The following GPC6 variants were observed in gnomAD, a reference collection of about 807,000 sequenced individuals.
GPC6 encodes the protein glypican 6.
A neutral mutation model predicts 55.2 loss-of-function variants in GPC6; 14 were observed. The ratio of observed to expected loss-of-function variants is 0.25; its 90% CI spans 0.17 to 0.40. The LOEUF (loss-of-function observed/expected upper bound fraction) is 0.40, where lower values mean the gene tolerates loss of function less well. GPC6 is among the 10% of genes least tolerant of loss of function. The pLI, the probability that GPC6 is intolerant of heterozygous loss-of-function variation, is 1.00. For synonymous variants in GPC6, 278 were observed against 259.6 expected, an observed-to-expected ratio of 1.07 and a Z score of -0.68; for missense variants, 641 against 708.5, an observed-to-expected ratio of 0.90 and a Z score of 1.08.
At chr13:93,811,465 G>T (rs575765754) in intron 2 of GPC6, among the ~76,000 whole-genome samples, 6 of 152,198 alleles carry the variant, frequency 3.9e-5, no homozygotes, top group Admixed American at 6.5e-5. Flanking sequence ...AATGGCTTGG[G>T]TAGTATCATA....
At chr13:93,256,100 G>A (rs186647078) in intron 1 of GPC6, among the ~76,000 whole-genome samples, 113 of 150,284 alleles carry the variant, frequency 7.5e-4, no homozygotes, top group African/African-American at 2.6e-3. Flanking sequence ...AGCCCAGGAG[G>A]CAGAGAGTGT....
chr13:94,082,232 TCCTCAAATTCACACTTTACTCTCCAAGC>T (rs1011813004), intron 4 of GPC6, among the ~76,000 whole-genome samples: 6 of 152,076 alleles, frequency 3.9e-5, no homozygotes, highest in African/African-American at 1.4e-4. Context: ...TGTCTTCATG[TCCTCAAATTCACACTTTACTCTCCAAGC>T]CCTCTGTGTC....
At chr13:93,473,956 C>T (rs532240681) in intron 1 of GPC6, among the ~76,000 whole-genome samples, 5 of 152,136 alleles carry the variant, frequency 3.3e-5, no homozygotes, top group African/African-American at 1.2e-4. Flanking sequence ...CAAAGAGACC[C>T]ACTGCTGCCA....
intron 3 of GPC6, among the ~76,000 whole-genome samples, chr13:93,844,136 G>A (rs1261098551): frequency 1.3e-5 from 2 of 151,930 alleles, no homozygotes; most frequent in South Asian, 2.1e-4. Flanking sequence ...ATCATTTGGT[G>A]TAAACACTGT....
intron 3 of GPC6, among the ~76,000 whole-genome samples, chr13:93,875,297 A>G (rs1435199769): frequency 6.6e-6 from 1 of 152,016 alleles, no homozygotes; most frequent in Non-Finnish European, 1.5e-5. Flanking sequence ...TACCCGCAAA[A>G]TATGGCTTTG....
chr13:93,405,792 TGTG>T (rs1393617461), intron 1 of GPC6, among the ~76,000 whole-genome samples: 5 of 152,204 alleles, frequency 3.3e-5, no homozygotes, highest in South Asian at 2.1e-4. Flanking sequence ...TACTTCCACA[TGTG>T]GTGCCTTTTG....
chr13:93,487,713 C>A (rs1402735582), intron 1 of GPC6, among the ~76,000 whole-genome samples: 1 of 152,144 alleles, frequency 6.6e-6, no homozygotes, highest in Non-Finnish European at 1.5e-5. Context: ...CATTTAAAAA[C>A]ATGATATTTT....
intron 3 of GPC6, among the ~76,000 whole-genome samples, chr13:94,027,434 C>T (rs1206951936): frequency 6.6e-6 from 1 of 152,112 alleles, no homozygotes; most frequent in African/African-American, 2.4e-5. Context: ...GGGCTTTTAA[C>T]TTTGCAAACT....
intron 1 of GPC6, among the ~76,000 whole-genome samples, chr13:93,529,927 GAATA>G (rs931182489): frequency 1.3e-5 from 2 of 152,126 alleles, no homozygotes; most frequent in African/African-American, 4.8e-5. Context: ...ATGAATGAAT[GAATA>G]AATAAATAAA....
intron 2 of GPC6, among the ~76,000 whole-genome samples, chr13:93,601,401 A>G (rs1878010184): frequency 6.6e-6 from 1 of 152,094 alleles, no homozygotes; most frequent in South Asian, 2.1e-4. Context: ...AGTAATAATA[A>G]TAATAATAAA....
chr13:94,365,059 A>G lies in GPC6; in HGVS notation c.1153-17355A>G, dbSNP rs552616527. On this transcript the variant is annotated intron_variant, in intron 6 of 8. Coordinates refer to ENST00000377047, the MANE Select transcript of GPC6 (RefSeq NM_005708.5). Reference sequence around the variant, plus strand: ...CTAGGAGATGGGACACACATCTGCTAGGAGGTGGTGAGCACAAAGGACAGA... The same window carrying G: ...CTAGGAGATGGGACACACATCTGCTGGGAGGTGGTGAGCACAAAGGACAGA... Among the ~76,000 whole-genome samples the G allele has an allele frequency of 3.0e-3, 458 of 152,340 alleles. 4 individuals are homozygous for G. The highest frequency in any genetic ancestry group is 4.7e-3 in the Non-Finnish European group (318 of 68,036).
At position 93,439,698 on chromosome 13, in the gene GPC6, AT is replaced by A. The variant is rs200079478; in HGVS notation, c.161-105564del. Among the ~76,000 whole-genome samples, 511 of 137,880 alleles carry A rather than the reference AT, an allele frequency of 3.7e-3. 10 individuals are homozygous for A. The highest frequency in any genetic ancestry group is 0.021 in the Admixed American group (305 of 14,548). 90.5% of individuals were successfully genotyped at this position (137,880 alleles called of 152,430 possible). ...AAATAAAATAAAATAAATAAAAAAA[AT>A]AAAATAAAATAAAATAAAATAAAAC... On this transcript the variant is annotated intron_variant, in intron 1 of 8. Transcript: ENST00000377047.
At chr13:93,973,561 A>G (rs1880384487) in intron 3 of GPC6, among the ~76,000 whole-genome samples, 1 of 152,190 alleles carries the variant, frequency 6.6e-6, no homozygotes. Context: ...AGAGAGTGAG[A>G]GAAGGGTTTT....
chr13:93,824,912 G>A (rs1887179471), intron 2 of GPC6, among the ~76,000 whole-genome samples: 1 of 151,868 alleles, frequency 6.6e-6, no homozygotes, highest in African/African-American at 2.4e-5. Flanking sequence ...TCATGTAACA[G>A]GCACCATACA....
intron 1 of GPC6, among the ~76,000 whole-genome samples, chr13:93,233,593 C>T (rs1054557651): frequency 3.3e-5 from 5 of 152,136 alleles, no homozygotes; most frequent in Non-Finnish European, 7.3e-5. Flanking sequence ...GAGATAAATG[C>T]ATAGCACTAA....
rs566211839 is a variant in GPC6, at chr13:94,191,789, A to G, written c.878-94560A>G. Reference sequence around the variant, plus strand: ...TCCTTTTCTGAGTTAGAGATGTTCAATTTCATCTCCAAGGGGAACTGGTGA... The same window carrying G: ...TCCTTTTCTGAGTTAGAGATGTTCAGTTTCATCTCCAAGGGGAACTGGTGA... On this transcript the variant is annotated intron_variant, in intron 4 of 8. Transcript: ENST00000377047. 3.3e-5 allele frequency among the ~76,000 whole-genome samples: 5 copies of G among 152,258 alleles called. No individual in the cohort carries two copies. In the South Asian group the frequency reaches 1.0e-3, roughly 32 times the overall value.
intron 2 of GPC6, among the ~76,000 whole-genome samples, chr13:93,632,019 C>T (rs1036553064): frequency 1.1e-4 from 16 of 152,110 alleles, no homozygotes; most frequent in African/African-American, 3.9e-4. Context: ...GGATAAGATT[C>T]TGAAATGTGA....
chr13:94,028,348 AT>A (rs2138721549), intron 4 of GPC6, among the ~76,000 whole-genome samples: 1 of 152,146 alleles, frequency 6.6e-6, no homozygotes, highest in African/African-American at 2.4e-5. Context: ...ATTATTTTAC[AT>A]TTTCCTAATG....
chr13:94,108,379 GA>G (rs1886128604), intron 4 of GPC6, among the ~76,000 whole-genome samples: 1 of 152,192 alleles, frequency 6.6e-6, no homozygotes, highest in Admixed American at 6.5e-5. Flanking sequence ...GGGACTCAGG[GA>G]AAAAGGGTGG....
Sources: allele counts gnomAD v4.1 joint callset (sites outside exome capture counted in the v4.1 genomes callset), GRCh38; gene constraint gnomAD v4.1.1; transcripts MANE v1.5; gene names NCBI Gene and HGNC (gene_info 2026-07-23, HGNC 2026-07-21).